IL20RB: variants seen among roughly 807,000 people sequenced by gnomAD.
The protein encoded by IL20RB is interleukin-20 receptor subunit beta.
IL20RB carries 21 observed loss-of-function variants against 33.3 expected under a neutral mutation model. That is an observed-to-expected ratio of 0.63 (90% CI 0.45 to 0.91). The LOEUF (loss-of-function observed/expected upper bound fraction) is 0.91, where lower values mean the gene tolerates loss of function less well. IL20RB is among the 40% of genes least tolerant of loss of function. The pLI, the probability that IL20RB is intolerant of heterozygous loss-of-function variation, is 0.00. For missense variants in IL20RB, 345 were observed against 384.8 expected (o/e 0.90, Z 0.86); for synonymous variants, 147 against 146.8 (o/e 1.00, Z -0.01).
chr3:136,987,907 A>T (rs1047335943), intron 3 of IL20RB, among the ~76,000 whole-genome samples: 3 of 151,648 alleles, frequency 2.0e-5, no homozygotes, highest in Non-Finnish European at 4.4e-5. Flanking sequence ...GCCCACGCCC[A>T]CCCGGAACTC....
intron 3 of IL20RB, among the ~76,000 whole-genome samples, chr3:136,987,910 C>A (rs888666337): frequency 1.3e-5 from 2 of 152,320 alleles, no homozygotes; most frequent in South Asian, 4.1e-4. Context: ...CACGCCCACC[C>A]GGAACTCCAG....
At chr3:136,989,355 T>C (rs1941984054) in intron 3 of IL20RB, 86 bp from the exon 4 acceptor site, 3 of 1,519,568 alleles carry the variant, frequency 2.0e-6, no homozygotes, top group East Asian at 2.3e-5. Context: ...GACGGACATA[T>C]TTCCATACAT....
At chr3:136,998,016 C>T (rs1027602485) in intron 6 of IL20RB, among the ~76,000 whole-genome samples, 9 of 151,990 alleles carry the variant, frequency 5.9e-5, no homozygotes, top group African/African-American at 1.4e-4. Context: ...GTGATCCACC[C>T]GCCTTGGCCT....
At chr3:136,963,693 A>ATTT (rs35766983) in intron 1 of IL20RB, among the ~76,000 whole-genome samples, 2 of 62,720 alleles carry the variant, frequency 3.2e-5, no homozygotes, top group East Asian at 5.3e-4. Flanking sequence ...TTTTTTTTTT[A>ATTT]TTTTTTTTTT....
chr3:137,010,121 C>T lies in IL20RB; in HGVS notation c.834C>T (p.Thr278=). The stretch of plus-strand genomic sequence containing the variant: ...TGAAAATTATTTTTCAGAAAATAAC[C>T]AATTCACCCCAGAAGTTAATCAGCT... ...VVVLPDTLKI[T]NSPQKLISCR... is the part of the protein sequence containing the mutation. The change falls in exon 7 of 7, where the codon ACC becomes ACT. Residue 278 remains threonine (T), a synonymous_variant. Coordinates refer to ENST00000329582, the MANE Select transcript of IL20RB (RefSeq NM_144717.4). 1 of 1,556,312 alleles carries T rather than the reference C, an allele frequency of 6.4e-7. No homozygotes were observed. The highest frequency in any genetic ancestry group is 8.9e-7 in the Non-Finnish European group (1 of 1,127,226).
chr3:136,973,495 G>T (rs1941541057), intron 1 of IL20RB, among the ~76,000 whole-genome samples: 1 of 151,902 alleles, frequency 6.6e-6, no homozygotes, highest in South Asian at 2.1e-4. Context: ...GGTTTATTCT[G>T]GAGAATATTC....
intron 6 of IL20RB, among the ~76,000 whole-genome samples, chr3:137,002,690 T>C (rs1459175470): frequency 2.6e-5 from 4 of 152,196 alleles, no homozygotes; most frequent in African/African-American, 4.8e-5. Context: ...GATGGGTAGA[T>C]TGCAAAATTT....
chr3:136,958,299 A>C (rs911159237), intron 1 of IL20RB, 98 bp downstream of exon 1: 1 of 715,184 alleles, frequency 1.4e-6, no homozygotes, highest in Admixed American at 2.2e-5. Flanking sequence ...AAATATGTGT[A>C]TAGAATATCG....
intron 1 of IL20RB, among the ~76,000 whole-genome samples, chr3:136,964,391 TG>T (rs1941316916): frequency 9.6e-6 from 1 of 104,028 alleles, no homozygotes; most frequent in Non-Finnish European, 1.9e-5. Context: ...CCGTTCTAAC[TG>T]GTGTGAGATG....
rs1309051958 is a variant in IL20RB at position 136,982,125 on chromosome 3, G to A, written c.216-35G>A. The stretch of plus-strand genomic sequence containing the variant: ...CCATAACTGAGCCTGTGTCAGAGGG[G>A]CTGGTGTAACTCTGTGCCCTCCTCT... On this transcript the variant is annotated intron_variant, in intron 2 of 6. Coordinates refer to ENST00000329582, the MANE Select transcript of IL20RB (RefSeq NM_144717.4). 3.4e-6 allele frequency: 5 copies of A among 1,459,700 alleles called. No individual in the cohort carries two copies. In the South Asian group the frequency reaches 5.7e-5, roughly 17 times the overall value. 90.4% of individuals were successfully genotyped at this position (1,459,700 alleles called of 1,614,324 possible). A position where few individuals can be genotyped will look rare whatever the true frequency, so the allele number is the denominator to read the frequency against.
At position 136,982,272 on chromosome 3, in the gene IL20RB, A is replaced by G. The variant is rs763352137; in HGVS notation, c.328A>G (p.Asn110Asp). The stretch of plus-strand genomic sequence containing the variant: ...TGACATCACGGCCACTGTGCCATAC[A>G]ACCTTCGTGTCAGGGCCACATTGGG... ...TDDITATVPY[N>D]LRVRATLGSQ... is the part of the protein sequence containing the mutation. The change falls in exon 3 of 7, where the codon AAC becomes GAC. Residue 110 changes from asparagine (N) to aspartate (D), a missense_variant. Physicochemically the swap from Asn to Asp is conservative, Grantham distance 23. Coordinates refer to ENST00000329582, the MANE Select transcript of IL20RB (RefSeq NM_144717.4). 1 of 1,611,786 alleles carries G rather than the reference A, an allele frequency of 6.2e-7. No individual in the cohort carries two copies. Among genetic ancestry groups the G allele is most frequent in the Non-Finnish European group, 8.5e-7 (1 of 1,178,200 alleles).
intron 1 of IL20RB, among the ~76,000 whole-genome samples, chr3:136,979,652 T>C (rs895940113): frequency 4.2e-5 from 2 of 47,212 alleles, no homozygotes; most frequent in Non-Finnish European, 8.8e-5. Flanking sequence ...GGGCACACTG[T>C]GTCTGGGTAC....
At chr3:136,960,138 C>CTTT (rs10540948) in intron 1 of IL20RB, among the ~76,000 whole-genome samples, 9 of 36,198 alleles carry the variant, frequency 2.5e-4, no homozygotes, top group East Asian at 9.5e-4. Context: ...AGAGTTGTGG[C>CTTT]TTTTTTTTTT....
At chr3:136,972,144 A>G (rs1577013605) in intron 1 of IL20RB, among the ~76,000 whole-genome samples, 1 of 152,248 alleles carries the variant, frequency 6.6e-6, no homozygotes, top group South Asian at 2.1e-4. Context: ...TTCTTTTGAG[A>G]AATGTCTACT....
At position 136,973,465 on chromosome 3, in the gene IL20RB, C is replaced by A. The variant is rs1941540153; in HGVS notation, c.89-7001C>A. On this transcript the variant is annotated intron_variant, in intron 1 of 6. Transcript: ENST00000329582. The stretch of plus-strand genomic sequence containing the variant: ...TCAAAAAAAAAAAATTGTTGACACT[C>A]GTTTTGTGACCTAACATATGGTTTA... Among the ~76,000 whole-genome samples the A allele has an allele frequency of 2.0e-5, 3 of 151,940 alleles. No individual in the cohort carries two copies. The South Asian group carries it at 6.2e-4, about 31-fold the overall frequency.
At chr3:136,982,433 T>G (rs1941800442) in intron 3 of IL20RB, 83 bp downstream of exon 3, 1 of 1,054,496 alleles carries the variant, frequency 9.5e-7, no homozygotes, top group East Asian at 2.5e-5. Context: ...CTAGACTCTT[T>G]TTAGCATCAG....
chr3:136,977,212 C>T (rs2108192372), intron 1 of IL20RB, among the ~76,000 whole-genome samples: 1 of 152,292 alleles, frequency 6.6e-6, no homozygotes, highest in East Asian at 1.9e-4. Flanking sequence ...AAGCCCCTCC[C>T]CCTCCTTTTA....
chr3:137,009,314 G>A (rs936989023), intron 6 of IL20RB, among the ~76,000 whole-genome samples: 2 of 152,158 alleles, frequency 1.3e-5, no homozygotes, highest in African/African-American at 4.8e-5. Flanking sequence ...TAATAGGTGG[G>A]AGAGTCCACC....
At chr3:136,986,772 G>T (rs1048058634) in intron 3 of IL20RB, 1 of 456,418 alleles carries the variant, frequency 2.2e-6, no homozygotes, top group South Asian at 1.5e-5. Context: ...GAATGAAGCC[G>T]CAGACCCTCG....
Sources: allele counts gnomAD v4.1 joint callset (sites outside exome capture counted in the v4.1 genomes callset), GRCh38; gene constraint gnomAD v4.1.1; transcripts MANE v1.5; gene names NCBI Gene and HGNC (gene_info 2026-07-23, HGNC 2026-07-21).